ADGRG2: variants seen among roughly 807,000 people sequenced by gnomAD.
ADGRG2 encodes the protein G protein-coupled receptor 64.
In ADGRG2, 26 loss-of-function variants were observed where a neutral mutation model predicts 74.1. The observed-to-expected ratio is 0.35, with a 90% CI of 0.26 to 0.49. ADGRG2 has a LOEUF of 0.49. Among genes scored for constraint, ADGRG2 ranks in the 20% least tolerant of loss-of-function variants. The probability of loss-of-function intolerance (pLI) is 0.99; values close to 1 mark genes in which losing one functional copy is unlikely to be tolerated. For synonymous variants in ADGRG2, 296 were observed against 295.2 expected (o/e 1.00, Z -0.03); for missense variants, 619 against 763.1 (o/e 0.81, Z 2.22).
At chrX:19,117,089 A>C (rs1277977844) in intron 1 of ADGRG2, among the ~76,000 whole-genome samples, 2 of 110,703 alleles carry the variant, frequency 1.8e-5, no homozygotes, top group African/African-American at 6.6e-5. Flanking sequence ...CAGGAGTTCA[A>C]GACCAACCTG....
intron 3 of ADGRG2, among the ~76,000 whole-genome samples, chrX:19,049,455 T>TTTTTTTTTTTTTTTTTTTTTTTTTG (rs1328733136): frequency 1.1e-5 from 1 of 90,987 alleles, no homozygotes; most frequent in African/African-American, 4.8e-5. Flanking sequence ...TTTTTTTTTT[T>TTTTTTTTTTTTTTTTTTTTTTTTTG]TTGTTGTTGT....
At chrX:19,060,787 A>G (rs2061478209) in intron 3 of ADGRG2, among the ~76,000 whole-genome samples, 1 of 110,916 alleles carries the variant, frequency 9.0e-6, no homozygotes, top group Admixed American at 9.6e-5. Flanking sequence ...ACCTCAAATG[A>G]TCCACGTGGC....
At chrX:19,064,483 G>T (rs2061534913) in intron 3 of ADGRG2, among the ~76,000 whole-genome samples, 1 of 112,007 alleles carries the variant, frequency 8.9e-6, no homozygotes, top group Admixed American at 9.4e-5. Flanking sequence ...ATAACCCAGT[G>T]GAGAAGTGGC....
intron 10 of ADGRG2, 107 bp from the exon 11 acceptor site, chrX:19,027,381 C>A (rs1205628654): frequency 1.5e-5 from 8 of 534,155 alleles, no homozygotes; most frequent in Non-Finnish European, 2.3e-5. Flanking sequence ...AATAACTATA[C>A]CCCAAAGACT....
chrX:19,074,655 C>T lies in ADGRG2; in HGVS notation c.-1-5820G>A, dbSNP rs190758955. Among the ~76,000 whole-genome samples, 20 of 102,007 alleles carry T rather than the reference C, an allele frequency of 2.0e-4. No homozygotes were observed. The East Asian group carries it at 2.2e-3, about 11-fold the overall frequency. 88.6% of individuals were successfully genotyped at this position (102,007 alleles called of 115,157 possible). A position where few individuals can be genotyped will look rare whatever the true frequency, so the allele number is the denominator to read the frequency against. On this transcript the variant is annotated intron_variant, in intron 2 of 28. Transcript: ENST00000379869. ...CATGATCTCGGCTCACTGCAACCTCCGCCTCCCAGGTTCAAGCGATTCTCC... is the reference window on the plus strand; with the variant it reads ...CATGATCTCGGCTCACTGCAACCTCTGCCTCCCAGGTTCAAGCGATTCTCC...
At chrX:19,001,838 G>C (rs2060137751) in intron 24 of ADGRG2, among the ~76,000 whole-genome samples, 1 of 111,319 alleles carries the variant, frequency 9.0e-6, no homozygotes, top group Non-Finnish European at 1.9e-5. Context: ...CAGGCTTGCT[G>C]TTTTCTAGCT....
intron 24 of ADGRG2, among the ~76,000 whole-genome samples, 191 bp from the exon 25 acceptor site, chrX:19,000,151 G>T (rs180791825): frequency 1.8e-5 from 2 of 110,093 alleles, no homozygotes; most frequent in Non-Finnish European, 1.9e-5. Context: ...GTGCCACCAT[G>T]CCTGGCTAAT....
At chrX:19,105,703 A>G (rs775421404) in intron 1 of ADGRG2, among the ~76,000 whole-genome samples, 1 of 110,973 alleles carries the variant, frequency 9.0e-6, no homozygotes, top group African/African-American at 3.3e-5. Context: ...CGTTCTGCAC[A>G]TGTACCCCAG....
intron 1 of ADGRG2, among the ~76,000 whole-genome samples, chrX:19,088,227 A>T (rs2061963527): frequency 8.9e-6 from 1 of 112,550 alleles, no homozygotes; most frequent in East Asian, 2.8e-4. Flanking sequence ...TATATACTTG[A>T]TTTTTTAAAT....
At chrX:19,005,012 T>A in intron 22 of ADGRG2, 133 bp from the exon 23 acceptor site, 1 of 455,007 alleles carries the variant, frequency 2.2e-6, no homozygotes, top group Admixed American at 4.2e-5. Context: ...ATTATTACTA[T>A]CAGGTAAAGA....
chrX:19,051,363 C>T (rs781051046), intron 3 of ADGRG2, among the ~76,000 whole-genome samples: 286 of 111,395 alleles, frequency 2.6e-3, no homozygotes, highest in African/African-American at 9.0e-3. Context: ...TGTGAGCCAC[C>T]GCGCCCGGCC....
At chrX:19,106,581 C>T (rs1291466128) in intron 1 of ADGRG2, among the ~76,000 whole-genome samples, 1 of 109,219 alleles carries the variant, frequency 9.2e-6, no homozygotes, top group African/African-American at 3.3e-5. Flanking sequence ...TGAGGAGAGT[C>T]CAGGTGAGGG....
At chrX:19,040,785 A>G (rs759957975) in intron 3 of ADGRG2, among the ~76,000 whole-genome samples, 1 of 111,942 alleles carries the variant, frequency 8.9e-6, no homozygotes, top group East Asian at 2.8e-4. Flanking sequence ...TCTTAAAAGA[A>G]AAGTAATTCT....
At chrX:19,045,294 GTTATTA>G (rs3056193) in intron 3 of ADGRG2, among the ~76,000 whole-genome samples, 9 of 95,380 alleles carry the variant, frequency 9.4e-5, no homozygotes, top group Admixed American at 2.3e-4. Context: ...GGGGGGTGTT[GTTATTA>G]TTATTATTAT....
At chrX:19,017,392 CTG>C (rs1293719819) in intron 15 of ADGRG2, among the ~76,000 whole-genome samples, 11 of 112,156 alleles carry the variant, frequency 9.8e-5, no homozygotes, top group Non-Finnish European at 3.8e-5. Flanking sequence ...TAGTTAATGA[CTG>C]AGCCCTAACT....
intron 18 of ADGRG2, 35 bp downstream of exon 18, chrX:19,009,591 G>C: frequency 8.7e-7 from 1 of 1,148,254 alleles, no homozygotes. Context: ...TCACACACAA[G>C]AGAATGTTTT....
chrX:19,071,829 T>TA (rs1273563517), intron 2 of ADGRG2, among the ~76,000 whole-genome samples: 154 of 104,180 alleles, frequency 1.5e-3, no homozygotes, highest in Non-Finnish European at 1.6e-3. Context: ...AGCACTGCTT[T>TA]AAAAAAAAAA....
rs1214649333 is a variant in ADGRG2 at position 19,007,963 on chromosome X, G to A, written c.1566+17C>T. ...CCAAATAAAGCCCAAGCCAAAAGCA[G>A]TGAGCAGCAGTTTTACCTGAAACAA... is the stretch of plus-strand genomic sequence containing the variant. On this transcript the variant is annotated intron_variant, in intron 19 of 28. Coordinates refer to ENST00000379869, the MANE Select transcript of ADGRG2 (RefSeq NM_001079858.3). The A allele has an allele frequency of 4.2e-6, 5 of 1,191,572 alleles. No individual in the cohort carries two copies. The highest frequency in any genetic ancestry group is 5.7e-6 in the Non-Finnish European group (5 of 883,027).
At chrX:19,118,789 T>C (rs1041532740) in intron 1 of ADGRG2, among the ~76,000 whole-genome samples, 3 of 112,335 alleles carry the variant, frequency 2.7e-5, no homozygotes, top group African/African-American at 9.7e-5. Context: ...TATGTGAATA[T>C]TTATATTGGC....
Sources: allele counts gnomAD v4.1 joint callset (sites outside exome capture counted in the v4.1 genomes callset), GRCh38; gene constraint gnomAD v4.1.1; transcripts MANE v1.5; gene names NCBI Gene and HGNC (gene_info 2026-07-23, HGNC 2026-07-21).